Variants in CACNG7 observed in about 807,000 individuals in gnomAD.
CACNG7 encodes calcium voltage-gated channel auxiliary subunit gamma 7.
In CACNG7, 9 loss-of-function variants were observed where a neutral mutation model predicts 26.3. That is an observed-to-expected ratio of 0.34 (90% CI 0.21 to 0.60). The LOEUF (loss-of-function observed/expected upper bound fraction) is 0.60. CACNG7 is among the 20% of genes least tolerant of loss of function. CACNG7 has a pLI of 0.81. For synonymous variants in CACNG7, 170 were observed against 157.0 expected, an observed-to-expected ratio of 1.08 and a Z score of -0.62; for missense variants, 297 against 380.4, an observed-to-expected ratio of 0.78 and a Z score of 1.82.
rs1297777679 is a variant in CACNG7 at position 53,921,204 on chromosome 19, TC to T, written c.424+5703del. ...CCCAGGCTGGTCATTGGTGGAGTTG[TC>T]CCCAGGCCTGGTATTGGTGGAGTTG... is the stretch of plus-strand genomic sequence containing the variant. On this transcript the variant is annotated intron_variant, in intron 4 of 5. Transcript: ENST00000391767. Among the ~76,000 whole-genome samples the T allele has an allele frequency of 5.5e-5, 4 of 73,146 alleles. 1 individual carries two copies. The allele number at this position is 73,146 out of a possible 152,430, so 48.0% of individuals were successfully genotyped here.
chr19:53,922,120 C>T (rs1477416070), intron 4 of CACNG7, among the ~76,000 whole-genome samples: 10 of 79,216 alleles, frequency 1.3e-4, no homozygotes, highest in East Asian at 7.3e-4. Context: ...GGTGGAGTTG[C>T]CCCAGGCCTG....
intron 4 of CACNG7, among the ~76,000 whole-genome samples, chr19:53,933,349 G>A (rs2069085904): frequency 6.8e-6 from 1 of 147,112 alleles, no homozygotes; most frequent in Admixed American, 6.8e-5. Flanking sequence ...CACCAGGCTG[G>A]AGTGCAGTGG....
chr19:53,913,785 TAAAAAAAAAAAA>T (rs58238779), intron 2 of CACNG7, among the ~76,000 whole-genome samples: 1 of 94,034 alleles, frequency 1.1e-5, no homozygotes, highest in Non-Finnish European at 2.1e-5. Flanking sequence ...CCCAGTCTCT[TAAAAAAAAAAAA>T]AAAAAAAAAA....
intron 4 of CACNG7, among the ~76,000 whole-genome samples, chr19:53,931,732 A>G (rs1398672210): frequency 7.4e-6 from 1 of 135,236 alleles, no homozygotes; most frequent in Non-Finnish European, 1.5e-5. Context: ...GCCTAATTCC[A>G]CTACTATTTG....
chr19:53,915,372 G>A lies in CACNG7; in HGVS notation c.291G>A (p.Val97=), dbSNP rs1445339109. ...TENTENILKT[V]RTATPFPMVS... ...TCCCCATCCCCTCCCCAGAGACAGT[G>A]CGCACGGCCACCCCCTTCCCCATGG... The change falls in exon 4 of 6, where the codon GTG becomes GTA. Residue 97 remains valine, a synonymous_variant. Coordinates refer to ENST00000391767, the MANE Select transcript of CACNG7 (RefSeq NM_031896.5). The A allele has an allele frequency of 1.2e-6, 2 of 1,613,264 alleles. No homozygotes were observed. Among genetic ancestry groups the A allele is most frequent in the Non-Finnish European group, 8.5e-7 (1 of 1,179,364 alleles).
At chr19:53,924,043 C>T (rs1289570396) in intron 4 of CACNG7, among the ~76,000 whole-genome samples, 72 of 92,804 alleles carry the variant, frequency 7.8e-4, no homozygotes, top group South Asian at 2.3e-3. Context: ...TTGCCCCAGG[C>T]CTGGTCATTG....
rs1027169689 is a variant in CACNG7 at position 53,940,253 on chromosome 19, T to G, written c.425-1217T>G. 5.3e-5 allele frequency among the ~76,000 whole-genome samples: 8 copies of G among 152,182 alleles called. No homozygotes were observed. In the East Asian group the frequency reaches 1.3e-3, roughly 26 times the overall value. On this transcript the variant is annotated intron_variant, in intron 4 of 5. Coordinates refer to ENST00000391767, the MANE Select transcript of CACNG7 (RefSeq NM_031896.5). This position sits in a 1 kb window ranked among gnomAD's most constrained non-coding sequence, Gnocchi z 4.1. ...CACACTGTCCGTATGCTCTATTTCC[T>G]CAATTGTAAATGGTGTTAAAAATGT... is the stretch of plus-strand genomic sequence containing the variant.
chr19:53,935,490 T>G (rs183428206), intron 4 of CACNG7, among the ~76,000 whole-genome samples: 1 of 149,952 alleles, frequency 6.7e-6, no homozygotes, highest in African/African-American at 2.5e-5. Context: ...GCCTGGCTAA[T>G]TTTTGTGTTT....
rs1466092949 is a variant in CACNG7 at position 53,942,612 on chromosome 19, C to T, written c.*319C>T. On this transcript the variant is annotated 3_prime_UTR_variant, in exon 6 of 6. Coordinates refer to ENST00000391767, the MANE Select transcript of CACNG7 (RefSeq NM_031896.5). The surrounding 1 kb of genome is among the most constrained non-coding windows in gnomAD (Gnocchi z 5.9). ...GCTCCTCCCTCGTTCTCCACCTGCT[C>T]TGAGCTGGGAGCAGCCAGAGGCGGT... 3 of 1,237,832 alleles carry T rather than the reference C, an allele frequency of 2.4e-6. No homozygotes were observed. The African/African-American group carries it at 4.6e-5, about 19-fold the overall frequency. The allele number at this position is 1,237,832 out of a possible 1,614,324, so 76.7% of individuals were successfully genotyped here. A position where few individuals can be genotyped will look rare whatever the true frequency, so the allele number is the denominator to read the frequency against.
In CACNG7 at chr19:53,942,755, C is replaced by T. The variant is rs777186574; in HGVS notation, c.*462C>T. On this transcript the variant is annotated 3_prime_UTR_variant, in exon 6 of 6. Coordinates refer to ENST00000391767, the MANE Select transcript of CACNG7 (RefSeq NM_031896.5). The surrounding 1 kb of genome is among the most constrained non-coding windows in gnomAD (Gnocchi z 5.9). ...CGACCATCCTCTTCTCCCTTCTAAC[C>T]TGGGCTTCCTTTTTCCCTGCCTAAT... is the stretch of plus-strand genomic sequence containing the variant. 7.3e-5 allele frequency: 14 copies of T among 190,922 alleles called. No individual in the cohort carries two copies. Among genetic ancestry groups the T allele is most frequent in the Non-Finnish European group, 1.1e-4 (11 of 99,976 alleles). 11.8% of individuals were successfully genotyped at this position (190,922 alleles called of 1,614,324 possible). A position where few individuals can be genotyped will look rare whatever the true frequency, so the allele number is the denominator to read the frequency against.
At position 53,909,731 on chromosome 19, in the gene CACNG7, G is replaced by C. The variant is rs1462607622; in HGVS notation, c.-30+214G>C. On this transcript the variant is annotated intron_variant, in intron 1 of 5. Transcript: ENST00000391767. The surrounding 1 kb of genome is among the most constrained non-coding windows in gnomAD (Gnocchi z 5.1). ...TCCGAGGGTCCCGGAGTGGGAAACT[G>C]CACTCCTCGCGTCCGAGTCGCAGCG... Among the ~76,000 whole-genome samples the C allele has an allele frequency of 6.6e-6, 1 of 152,102 alleles. No homozygotes were observed. The highest frequency in any genetic ancestry group is 2.1e-4 in the South Asian group (1 of 4,822).
chr19:53,934,392 T>A (rs2069092268), intron 4 of CACNG7, among the ~76,000 whole-genome samples: 1 of 152,204 alleles, frequency 6.6e-6, no homozygotes, highest in African/African-American at 2.4e-5. Flanking sequence ...TGTCAGGTTG[T>A]CCCACAGTGA....
intron 4 of CACNG7, among the ~76,000 whole-genome samples, chr19:53,932,387 T>G (rs891969279): frequency 3.3e-5 from 5 of 152,166 alleles, no homozygotes; most frequent in African/African-American, 1.2e-4. Flanking sequence ...CATATTGCCA[T>G]GTCCTCTTCT....
At chr19:53,917,710 A>G (rs2068907672) in intron 4 of CACNG7, among the ~76,000 whole-genome samples, 1 of 152,214 alleles carries the variant, frequency 6.6e-6, no homozygotes, top group Non-Finnish European at 1.5e-5. Flanking sequence ...ATAGTAGCCT[A>G]GAGACAAAAA....
At chr19:53,929,150 G>T (rs1016485478) in intron 4 of CACNG7, among the ~76,000 whole-genome samples, 1 of 150,842 alleles carries the variant, frequency 6.6e-6, no homozygotes, top group African/African-American at 2.5e-5. Context: ...AGAGAATAAG[G>T]CCTGAGCTGG....
At chr19:53,928,039 G>T (rs142954281) in intron 4 of CACNG7, among the ~76,000 whole-genome samples, 441 of 146,590 alleles carry the variant, frequency 3.0e-3, no homozygotes, top group African/African-American at 0.011. Flanking sequence ...GAGTAAGAGA[G>T]TTGGATTGCA....
Position 53,915,387 on chromosome 19 carries a change from C to T in CACNG7, c.306C>T (p.Pro102=). ...CAGAGACAGTGCGCACGGCCACCCC[C>T]TTCCCCATGGTCAGCCTCTTCCTCG... ...NILKTVRTAT[P]FPMVSLFLVF... The change falls in exon 4 of 6, where the codon CCC becomes CCT. Residue 102 remains proline, a synonymous_variant. Transcript: ENST00000391767. 1.2e-6 allele frequency: 2 copies of T among 1,614,094 alleles called. No homozygotes were observed. The highest frequency in any genetic ancestry group is 1.7e-6 in the Non-Finnish European group (2 of 1,179,970).
In CACNG7 at chr19:53,943,472, A is replaced by G. The variant is rs2069151906; in HGVS notation, c.*1179A>G. The G allele has an allele frequency of 8.0e-6, 1 of 124,434 alleles. No homozygotes were observed. Among genetic ancestry groups the G allele is most frequent in the South Asian group, 3.0e-4 (1 of 3,388 alleles). 7.7% of individuals were successfully genotyped at this position (124,434 alleles called of 1,614,324 possible). ...GCACAGTGCTGTACACGGAACCAGA[A>G]TGGCCCCCGGGGTGGGGGGAGGGGG... On this transcript the variant is annotated 3_prime_UTR_variant, in exon 6 of 6. Transcript: ENST00000391767.
chr19:53,912,729 T>C lies in CACNG7; in HGVS notation c.-29-74T>C. ...CAGTGTCTCTGGCTAGGGCCCAGCA[T>C]CCCGGGTTGCTGCATGGGGTCAAGC... On this transcript the variant is annotated intron_variant, in intron 1 of 5. Coordinates refer to ENST00000391767, the MANE Select transcript of CACNG7 (RefSeq NM_031896.5). The surrounding 1 kb of genome is among the most constrained non-coding windows in gnomAD (Gnocchi z 4.6). The C allele has an allele frequency of 8.4e-7, 1 of 1,189,464 alleles. No individual in the cohort carries two copies. Among genetic ancestry groups the C allele is most frequent in the Non-Finnish European group, 1.2e-6 (1 of 820,740 alleles). The allele number at this position is 1,189,464 out of a possible 1,614,324, so 73.7% of individuals were successfully genotyped here.
Sources: allele counts gnomAD v4.1 joint callset (sites outside exome capture counted in the v4.1 genomes callset), GRCh38; gene constraint gnomAD v4.1.1; non-coding constraint Gnocchi (gnomAD v3.1); transcripts MANE v1.5; gene names NCBI Gene and HGNC (gene_info 2026-07-23, HGNC 2026-07-21).